ADK: variants seen among roughly 807,000 people sequenced by gnomAD.
The protein encoded by ADK is N6,N6-dimethyladenosine kinase.
Under a neutral mutation model 44.7 loss-of-function variants are expected in ADK, and 24 were observed. The ratio of observed to expected loss-of-function variants is 0.54; its 90% CI spans 0.39 to 0.76. The LOEUF (loss-of-function observed/expected upper bound fraction) is 0.76. Among genes scored for constraint, ADK ranks in the 30% least tolerant of loss-of-function variants. The pLI, the probability that ADK is intolerant of heterozygous loss-of-function variation, is 0.00. For synonymous variants in ADK, 128 were observed against 142.6 expected, an observed-to-expected ratio of 0.90 and a Z score of 0.73; for missense variants, 321 against 425.1, an observed-to-expected ratio of 0.76 and a Z score of 2.15.
In ADK at chr10:74,600,523, G is replaced by A. The variant is rs924460795; in HGVS notation, c.877+30G>A. On this transcript the variant is annotated intron_variant, in intron 9 of 10. Coordinates refer to ENST00000539909, the MANE Select transcript of ADK (RefSeq NM_006721.4). ...ATGTGGGAAATGTGTGATGAATCTA[G>A]TATTATGGAGATTAATCAATTACAA... The A allele has an allele frequency of 2.8e-6, 4 of 1,451,358 alleles. No individual in the cohort carries two copies. The African/African-American group carries it at 5.7e-5, about 21-fold the overall frequency. 89.9% of individuals were successfully genotyped at this position (1,451,358 alleles called of 1,614,324 possible).
At chr10:74,172,995 A>G (rs1842211535) in intron 1 of ADK, among the ~76,000 whole-genome samples, 1 of 151,864 alleles carries the variant, frequency 6.6e-6, no homozygotes, top group African/African-American at 2.4e-5. Flanking sequence ...CTATTTTAAT[A>G]TTGCAGACCC....
intron 6 of ADK, among the ~76,000 whole-genome samples, chr10:74,464,368 GA>G (rs1846274426): frequency 1.3e-5 from 2 of 151,226 alleles, no homozygotes; most frequent in Non-Finnish European, 2.9e-5. Context: ...GCAACATAGG[GA>G]GACCCCCATC....
intron 3 of ADK, among the ~76,000 whole-genome samples, chr10:74,249,857 T>G (rs1203904980): frequency 1.3e-5 from 2 of 152,230 alleles, no homozygotes; most frequent in East Asian, 3.8e-4. Context: ...CTAATATTTG[T>G]TAGTTTTATA....
chr10:74,550,178 C>G (rs541382434), intron 7 of ADK, among the ~76,000 whole-genome samples: 2 of 151,024 alleles, frequency 1.3e-5, no homozygotes, highest in African/African-American at 4.9e-5. Context: ...TCAAGTGATT[C>G]TTCTGCCTCA....
intron 3 of ADK, among the ~76,000 whole-genome samples, chr10:74,239,743 A>G (rs1020277257): frequency 7.1e-5 from 10 of 141,760 alleles, no homozygotes; most frequent in African/African-American, 2.7e-4. Flanking sequence ...AAAAAAAAAG[A>G]CACAATAAAA....
At chr10:74,265,404 C>T (rs752052426) in intron 3 of ADK, among the ~76,000 whole-genome samples, 6 of 151,888 alleles carry the variant, frequency 4.0e-5, no homozygotes, top group South Asian at 2.1e-4. Context: ...TTAGTAGAGA[C>T]GGGGTTTCAC....
intron 3 of ADK, among the ~76,000 whole-genome samples, chr10:74,303,593 T>G (rs936082089): frequency 6.1e-5 from 7 of 115,032 alleles, no homozygotes; most frequent in East Asian, 2.2e-4. Flanking sequence ...ATGTTGTTTT[T>G]TTTTTTTTTT....
intron 2 of ADK, among the ~76,000 whole-genome samples, chr10:74,206,085 A>G (rs936978426): frequency 6.6e-6 from 1 of 152,246 alleles, no homozygotes; most frequent in Non-Finnish European, 1.5e-5. Context: ...TTGTTCAGGA[A>G]GTCAACTAAT....
At chr10:74,564,605 T>G (rs1041083420) in intron 7 of ADK, among the ~76,000 whole-genome samples, 2 of 152,010 alleles carry the variant, frequency 1.3e-5, no homozygotes, top group Non-Finnish European at 2.9e-5. Context: ...TTAACGTTTG[T>G]ATACAATACT....
intron 4 of ADK, among the ~76,000 whole-genome samples, chr10:74,355,435 G>A (rs1219908269): frequency 6.6e-6 from 1 of 152,162 alleles, no homozygotes; most frequent in African/African-American, 2.4e-5. Context: ...GTGCAATCAA[G>A]AATTAATGAT....
intron 6 of ADK, among the ~76,000 whole-genome samples, chr10:74,465,436 C>G (rs1193951402): frequency 6.6e-6 from 1 of 152,076 alleles, no homozygotes; most frequent in Admixed American, 6.6e-5. Flanking sequence ...TGTTTTGACT[C>G]TGAATGAGAT....
intron 4 of ADK, among the ~76,000 whole-genome samples, chr10:74,322,319 G>A (rs1375353550): frequency 6.6e-6 from 1 of 152,168 alleles, no homozygotes; most frequent in East Asian, 1.9e-4. Context: ...TATAATTATA[G>A]CAGGATGTGG....
intron 1 of ADK, among the ~76,000 whole-genome samples, chr10:74,195,085 C>T (rs1315082637): frequency 2.3e-5 from 2 of 86,492 alleles, no homozygotes; most frequent in African/African-American, 8.0e-5. Flanking sequence ...GACCGCTCCC[C>T]CCCCCAAAAA....
intron 6 of ADK, among the ~76,000 whole-genome samples, chr10:74,405,919 A>C (rs1843906957): frequency 6.6e-6 from 1 of 152,082 alleles, no homozygotes; most frequent in African/African-American, 2.4e-5. Context: ...TGACCTTAAG[A>C]AAAGACCCTC....
At chr10:74,391,652 T>TACACACACACACACACACACAC (rs71475280) in intron 4 of ADK, among the ~76,000 whole-genome samples, 11 of 74,250 alleles carry the variant, frequency 1.5e-4, no homozygotes, top group African/African-American at 3.8e-4. Flanking sequence ...GGCAAGAATA[T>TACACACACACACACACACACAC]ACACACACAC....
intron 1 of ADK, among the ~76,000 whole-genome samples, chr10:74,185,843 A>G (rs1454929626): frequency 1.6e-4 from 10 of 62,354 alleles, no homozygotes; most frequent in Admixed American, 2.5e-4. Flanking sequence ...TCTCAAAAAG[A>G]AAAAAAAAAA....
chr10:74,483,650 AT>A (rs1847155285), intron 6 of ADK, among the ~76,000 whole-genome samples: 1 of 152,234 alleles, frequency 6.6e-6, no homozygotes, highest in Non-Finnish European at 1.5e-5. Context: ...ATATGAGCAT[AT>A]GCTGTTAGAA....
At chr10:74,372,105 C>T (rs1248638123) in intron 4 of ADK, 7 of 749,972 alleles carry the variant, frequency 9.3e-6, no homozygotes, top group African/African-American at 1.7e-5. Flanking sequence ...CACCATTTCC[C>T]ATGAACACCC....
chr10:74,430,415 T>TA (rs1413019520), intron 6 of ADK, among the ~76,000 whole-genome samples: 1 of 152,144 alleles, frequency 6.6e-6, no homozygotes, highest in African/African-American at 2.4e-5. Flanking sequence ...TTGGAGCTAT[T>TA]ACAGATAAAG....
Sources: allele counts gnomAD v4.1 joint callset (sites outside exome capture counted in the v4.1 genomes callset), GRCh38; gene constraint gnomAD v4.1.1; transcripts MANE v1.5; gene names NCBI Gene and HGNC (gene_info 2026-07-23, HGNC 2026-07-21).